Variants in CARD10 observed in about 807,000 individuals in gnomAD.
The protein encoded by CARD10 is caspase recruitment domain family member 10.
Under a neutral mutation model 114.6 loss-of-function variants are expected in CARD10, and 49 were observed. That is an observed-to-expected ratio of 0.43 (90% CI 0.34 to 0.54). The LOEUF (loss-of-function observed/expected upper bound fraction) is 0.54. CARD10 is among the 20% of genes least tolerant of loss of function. The pLI, the probability that CARD10 is intolerant of heterozygous loss-of-function variation, is 0.03. For synonymous variants in CARD10, 602 were observed against 593.2 expected (o/e 1.01, Z -0.21); for missense variants, 1,206 against 1,397.2 (o/e 0.86, Z 2.18).
At chr22:37,508,917 C>A in intron 4 of CARD10, 1 of 1,427,694 alleles carries the variant, frequency 7.0e-7, no homozygotes, top group Non-Finnish European at 9.6e-7. Context: ...AGCTAATAAG[C>A]TAAGTGGAGA....
rs764107617 is a variant in CARD10, at chr22:37,495,891, A to G, written c.2172T>C (p.Leu724=). 4.3e-6 allele frequency: 7 copies of G among 1,614,136 alleles called. No individual in the cohort carries two copies. Among genetic ancestry groups the G allele is most frequent in the Middle Eastern group, 1.6e-4 (1 of 6,062 alleles). Residue 724 remains leucine, a synonymous_variant, in exon 14 of 20, where the codon CTT becomes CTC. Transcript: ENST00000251973. ...GAAGGATCTCTTGGGCTTTCACGCA[A>G]AGGGCATGGGGATCTGCCCTCTCAG... ...TLPERADPHA[L]CVKAQEILRL...
chr22:37,509,149 C>T lies in CARD10; in HGVS notation c.910-467G>A, dbSNP rs981683877. Reference sequence around the variant, plus strand: ...CCCAGACCCACACCCCAGCCAAGTGCCCCAACCCCATGAAACACACTGGCT... The same window carrying T: ...CCCAGACCCACACCCCAGCCAAGTGTCCCAACCCCATGAAACACACTGGCT... On this transcript the variant is annotated intron_variant, in intron 4 of 19. Coordinates refer to ENST00000251973, the MANE Select transcript of CARD10 (RefSeq NM_014550.4). 6.8e-6 allele frequency: 10 copies of T among 1,473,510 alleles called. No individual in the cohort carries two copies. The Admixed American group carries it at 1.4e-4, about 21-fold the overall frequency. The allele number at this position is 1,473,510 out of a possible 1,614,324, so 91.3% of individuals were successfully genotyped here.
In CARD10 at chr22:37,494,192, G is replaced by T; in HGVS notation, c.2374-4C>A. The T allele has an allele frequency of 6.5e-7, 1 of 1,546,660 alleles. No individual in the cohort carries two copies. The highest frequency in any genetic ancestry group is 1.4e-5 in the African/African-American group (1 of 73,178). ...GGTCCAGGGCTCTCTTCTTCAGCTGGGAGGGTGCAGGGACAGAGGAGCATC... is the reference window on the plus strand; with the variant it reads ...GGTCCAGGGCTCTCTTCTTCAGCTGTGAGGGTGCAGGGACAGAGGAGCATC... On this transcript the variant is annotated splice_region_variant and splice_polypyrimidine_tract_variant and intron_variant, in intron 15 of 19. Transcript: ENST00000251973.
chr22:37,506,401 G>A lies in CARD10; in HGVS notation c.1192-18C>T. On this transcript the variant is annotated intron_variant, in intron 6 of 19. Transcript: ENST00000251973. ...TGGATGGCCTAGGGTTGGGGGAGGGGAGGCAGCAGCTGAAGGAGCCACCTT... is the reference window on the plus strand; with the variant it reads ...TGGATGGCCTAGGGTTGGGGGAGGGAAGGCAGCAGCTGAAGGAGCCACCTT... 1.3e-6 allele frequency: 2 copies of A among 1,527,588 alleles called. No homozygotes were observed. Among genetic ancestry groups the A allele is most frequent in the Non-Finnish European group, 1.8e-6 (2 of 1,128,998 alleles). 94.6% of individuals were successfully genotyped at this position (1,527,588 alleles called of 1,614,324 possible).
chr22:37,506,249 GC>G lies in CARD10; in HGVS notation c.1325del (p.Gly442AlafsTer38). On this transcript the variant is annotated frameshift_variant, in exon 7 of 20. Transcript: ENST00000251973. LOFTEE classifies it high-confidence loss of function. ...ELLTTLTSLE[G>X]TKALLEVQLQ... ...GCTGAACCTCCAGCAGAGCCTTGGT[GC>G]CCTCCAGGCTGGTGAGCGTTGTCAG... 6.2e-7 allele frequency: 1 copy of G among 1,607,392 alleles called. No individual in the cohort carries two copies. Among genetic ancestry groups the G allele is most frequent in the South Asian group, 1.1e-5 (1 of 89,316 alleles).
chr22:37,499,690 G>A (rs1923142549), intron 11 of CARD10, among the ~76,000 whole-genome samples: 1 of 152,128 alleles, frequency 6.6e-6, no homozygotes, highest in Non-Finnish European at 1.5e-5. Flanking sequence ...CAAAGGACCA[G>A]TGACTTCTCT....
At chr22:37,494,819 G>A (rs940711790) in intron 15 of CARD10, among the ~76,000 whole-genome samples, 4 of 152,206 alleles carry the variant, frequency 2.6e-5, no homozygotes, top group Admixed American at 6.5e-5. Flanking sequence ...AGCTGGGGTC[G>A]AATGCAGGCT....
At position 37,506,216 on chromosome 22, in the gene CARD10, C is replaced by T. The variant is rs200168214; in HGVS notation, c.1359G>A (p.Arg453=). 6.3e-6 allele frequency: 10 copies of T among 1,586,814 alleles called. No homozygotes were observed. The African/African-American group carries it at 9.4e-5, about 15-fold the overall frequency. ...TKALLEVQLQ[R]AQGGTCLKAC... is the part of the protein sequence containing the mutation. ...CCTTGAGGCAGGTGCCACCCTGGGC[C>T]CGCTGCAGCTGAACCTCCAGCAGAG... Residue 453 remains arginine (R), a synonymous_variant, in exon 7 of 20, where the codon CGG becomes CGA. Transcript: ENST00000251973.
At position 37,501,932 on chromosome 22, in the gene CARD10, C is replaced by G. The variant is rs1469049574; in HGVS notation, c.1787+670G>C. 6.6e-6 allele frequency among the ~76,000 whole-genome samples: 1 copy of G among 152,228 alleles called. No individual in the cohort carries two copies. The highest frequency in any genetic ancestry group is 2.4e-5 in the African/African-American group (1 of 41,450). On this transcript the variant is annotated intron_variant, in intron 11 of 19. Coordinates refer to ENST00000251973, the MANE Select transcript of CARD10 (RefSeq NM_014550.4). The surrounding 1 kb of genome is among the most constrained non-coding windows in gnomAD (Gnocchi z 5.4). ...CCCCTCGCTCCTCCTCCACAGTCAC[C>G]GGATGCTCTCCCTACCTGCCCTCTC...
In CARD10 at chr22:37,519,232, C is replaced by T; in HGVS notation, c.-32G>A. 2 of 1,479,000 alleles carry T rather than the reference C, an allele frequency of 1.4e-6. No individual in the cohort carries two copies. The highest frequency in any genetic ancestry group is 1.8e-6 in the Non-Finnish European group (2 of 1,116,612). The allele number at this position is 1,479,000 out of a possible 1,614,324, so 91.6% of individuals were successfully genotyped here. On this transcript the variant is annotated 5_prime_UTR_variant, in exon 1 of 20. Transcript: ENST00000251973. This position sits in a 1 kb window ranked among gnomAD's most constrained non-coding sequence, Gnocchi z 4.1. ...GTCCTCAGGGTCTGCGGGCAAGAGG[C>T]GCACGGGGGTCGACCAGGGCTCCCT...
At chr22:37,508,773 C>A in intron 4 of CARD10, 91 bp from the exon 5 acceptor site, 1 of 1,382,712 alleles carries the variant, frequency 7.2e-7, no homozygotes, top group African/African-American at 1.4e-5. Flanking sequence ...CTCAGCCCTC[C>A]AAACCCACCT....
chr22:37,505,941 A>C (rs1378244221), intron 7 of CARD10, among the ~76,000 whole-genome samples: 1 of 152,108 alleles, frequency 6.6e-6, no homozygotes, highest in Non-Finnish European at 1.5e-5. Context: ...GCTCCAAACT[A>C]TTCTTAGTGT....
Position 37,491,752 on chromosome 22 carries a change from C to T in CARD10, c.2864+3G>A. The stretch of plus-strand genomic sequence containing the variant: ...TGCCCACTGCCCCACCCACCCACCT[C>T]ACCTGACTTCCCGGACATTCTTCTC... On this transcript the variant is annotated splice_donor_region_variant and intron_variant, in intron 19 of 19. Transcript: ENST00000251973. 1 of 1,312,028 alleles carries T rather than the reference C, an allele frequency of 7.6e-7. No homozygotes were observed. The highest frequency in any genetic ancestry group is 1.1e-6 in the Non-Finnish European group (1 of 921,878). The allele number at this position is 1,312,028 out of a possible 1,614,324, so 81.3% of individuals were successfully genotyped here. A position where few individuals can be genotyped will look rare whatever the true frequency, so the allele number is the denominator to read the frequency against.
rs991920661 is a variant in CARD10, at chr22:37,508,159, GATC to G, written c.1066-208_1066-206del. On this transcript the variant is annotated intron_variant, in intron 5 of 19. Coordinates refer to ENST00000251973, the MANE Select transcript of CARD10 (RefSeq NM_014550.4). ...GCCTAATCTGTAAAACGAGAAGAAT[GATC>G]ATCATTTCACCCATCCGGCCACCCT... 5.9e-5 allele frequency among the ~76,000 whole-genome samples: 9 copies of G among 152,132 alleles called. No homozygotes were observed. The South Asian group carries it at 1.7e-3, about 28-fold the overall frequency.
In CARD10 at chr22:37,496,122, AC is replaced by A. The variant is rs372336915; in HGVS notation, c.2060-120del. 5.8e-4 allele frequency: 740 copies of A among 1,281,406 alleles called. 6 individuals are homozygous for A. In the African/African-American group the frequency reaches 9.7e-3, roughly 17 times the overall value. 79.4% of individuals were successfully genotyped at this position (1,281,406 alleles called of 1,614,324 possible). A position where few individuals can be genotyped will look rare whatever the true frequency, so the allele number is the denominator to read the frequency against. On this transcript the variant is annotated intron_variant, in intron 13 of 19. Coordinates refer to ENST00000251973, the MANE Select transcript of CARD10 (RefSeq NM_014550.4). This position sits in a 1 kb window ranked among gnomAD's most constrained non-coding sequence, Gnocchi z 4.1. ...TCGAGGCCTGAGTTCCCAGGACCCG[AC>A]CTTCACCTTCTTAGAATGACTTAGG...
chr22:37,516,854 A>G (rs1923860630), intron 2 of CARD10, among the ~76,000 whole-genome samples: 1 of 152,244 alleles, frequency 6.6e-6, no homozygotes. Flanking sequence ...TGAAGCACAG[A>G]GCAGTTATTT....
At position 37,516,176 on chromosome 22, in the gene CARD10, C is replaced by T. The variant is rs1004633993; in HGVS notation, c.496G>A (p.Glu166Lys). The change falls in exon 3 of 20, where the codon GAG (glutamate) becomes AAG (lysine). Residue 166 changes from glutamate to lysine, a missense_variant. By Grantham distance (56) the Glu-to-Lys change is moderately conservative. This residue lies in a region of CARD10 where 1,068 missense variants were observed against 1,179.1 expected (regional missense o/e 0.91). Transcript: ENST00000251973. ...QLQARGRVLE[E>K]ERAGLEQRLR... ...CGCTGCTCCAGCCCTGCCCGCTCCT[C>T]CTCGAGCACCCGGCCCCGGGCCTGC... 2 of 1,592,868 alleles carry T rather than the reference C, an allele frequency of 1.3e-6. No individual in the cohort carries two copies. The highest frequency in any genetic ancestry group is 2.7e-5 in the African/African-American group (2 of 74,554).
Position 37,492,588 on chromosome 22 carries a change from T to G in CARD10, c.2636-38A>C. ...TGGAGAGGGAGAGATGAAGGATCCA[T>G]GGGCCCGGCTGCCCAGAGGGGCACC... On this transcript the variant is annotated intron_variant, in intron 17 of 19. Coordinates refer to ENST00000251973, the MANE Select transcript of CARD10 (RefSeq NM_014550.4). This position sits in a 1 kb window ranked among gnomAD's most constrained non-coding sequence, Gnocchi z 5.7. 2 of 1,605,596 alleles carry G rather than the reference T, an allele frequency of 1.2e-6. No homozygotes were observed. The highest frequency in any genetic ancestry group is 1.7e-6 in the Non-Finnish European group (2 of 1,175,302).
intron 4 of CARD10, chr22:37,509,123 C>T: frequency 4.7e-6 from 7 of 1,503,686 alleles, no homozygotes; most frequent in Non-Finnish European, 6.3e-6. Flanking sequence ...AAGATCTTGC[C>T]CCCAGACCCA....
Sources: gnomAD v4.1 joint callset for allele counts (sites outside exome capture counted in the v4.1 genomes callset) on GRCh38, gnomAD v4.1.1 for gene constraint, gnomAD v4.1.1 regional missense constraint, Gnocchi (gnomAD v3.1) non-coding constraint, MANE v1.5 for transcripts, NCBI Gene and HGNC (gene_info 2026-07-23, HGNC 2026-07-21) for gene names.